Variants in CSMD1 observed in about 807,000 individuals in gnomAD.
The protein encoded by CSMD1 is CUB and sushi domain-containing protein 1.
A neutral mutation model predicts 417.5 loss-of-function variants in CSMD1; 213 were observed. That is an observed-to-expected ratio of 0.51 (90% CI 0.46 to 0.57). The LOEUF is 0.57. Ranked by LOEUF, CSMD1 falls within the 20% of genes least tolerant of loss-of-function variation. The pLI is 0.00. For missense variants in CSMD1, 6,923 were observed against 4,529.7 expected, an observed-to-expected ratio of 1.53 and a Z score of -15.17; for synonymous variants, 2,862 against 1,736.8, an observed-to-expected ratio of 1.65 and a Z score of -16.11.
chr8:3,197,748 G>A (rs533665114), intron 33 of CSMD1, among the ~76,000 whole-genome samples: 13 of 152,258 alleles, frequency 8.5e-5, no homozygotes, highest in African/African-American at 2.4e-4. Flanking sequence ...ACAGGCTTGA[G>A]CCACCGTGCC....
chr8:3,965,568 T>G (rs1193877898), intron 5 of CSMD1, among the ~76,000 whole-genome samples: 2 of 152,112 alleles, frequency 1.3e-5, no homozygotes, highest in East Asian at 3.8e-4. Context: ...GTCTTTCAAT[T>G]CCAGGCCTTA....
intron 5 of CSMD1, among the ~76,000 whole-genome samples, chr8:3,783,905 C>T (rs914823398): frequency 7.3e-5 from 3 of 41,346 alleles, no homozygotes; most frequent in African/African-American, 2.1e-4. Flanking sequence ...GTGGTGCAGG[C>T]TGGAGCTGGG....
At chr8:3,918,833 G>A (rs1460476629) in intron 5 of CSMD1, among the ~76,000 whole-genome samples, 1 of 152,074 alleles carries the variant, frequency 6.6e-6, no homozygotes, top group Non-Finnish European at 1.5e-5. Context: ...CTATGAGGAT[G>A]CAAAGATAAT....
intron 5 of CSMD1, among the ~76,000 whole-genome samples, chr8:3,885,050 T>C (rs1049628894): frequency 6.6e-6 from 1 of 151,968 alleles, no homozygotes; most frequent in Non-Finnish European, 1.5e-5. Flanking sequence ...GGACCTAGTG[T>C]CTATGATTCT....
chr8:3,651,168 C>T (rs1045599068), intron 7 of CSMD1, among the ~76,000 whole-genome samples: 1 of 152,188 alleles, frequency 6.6e-6, no homozygotes, highest in Non-Finnish European at 1.5e-5. Flanking sequence ...GTACTTTCCC[C>T]TGGTCTCTGT....
At chr8:4,776,293 TATA>T (rs1330133592) in intron 1 of CSMD1, among the ~76,000 whole-genome samples, 1 of 152,204 alleles carries the variant, frequency 6.6e-6, no homozygotes, top group Non-Finnish European at 1.5e-5. Flanking sequence ...GCAGCATGTA[TATA>T]ATATTACTTG....
chr8:3,700,987 G>C (rs1207048526), intron 7 of CSMD1, among the ~76,000 whole-genome samples: 1 of 151,298 alleles, frequency 6.6e-6, no homozygotes, highest in Non-Finnish European at 1.5e-5. Context: ...CAGGTGAGGG[G>C]CGACGGTGGT....
chr8:3,449,854 G>A (rs1043978521), intron 12 of CSMD1, among the ~76,000 whole-genome samples: 2 of 152,164 alleles, frequency 1.3e-5, no homozygotes, highest in Non-Finnish European at 2.9e-5. Context: ...TTCATGTAAA[G>A]TTTTAAGCCT....
At chr8:3,791,245 T>C (rs151239379) in intron 5 of CSMD1, among the ~76,000 whole-genome samples, 145 of 152,340 alleles carry the variant, frequency 9.5e-4, no homozygotes, top group East Asian at 8.5e-3. Flanking sequence ...TTAGAGATTC[T>C]ATAATTATAT....
chr8:3,840,139 C>G (rs547112421), intron 5 of CSMD1, among the ~76,000 whole-genome samples: 1 of 152,010 alleles, frequency 6.6e-6, no homozygotes, highest in Non-Finnish European at 1.5e-5. Flanking sequence ...AGCTTGCTTC[C>G]TTTATACTTA....
intron 5 of CSMD1, among the ~76,000 whole-genome samples, chr8:3,952,692 C>T (rs1281816981): frequency 6.6e-6 from 1 of 152,112 alleles, no homozygotes. Flanking sequence ...TGTTGCACAG[C>T]ATTGTGAATA....
chr8:3,679,104 G>A (rs76810012), intron 7 of CSMD1, among the ~76,000 whole-genome samples: 21,093 of 151,970 alleles, frequency 0.14, 1,746 homozygotes, highest in South Asian at 0.21. Flanking sequence ...GACCATCGAG[G>A]CTAGGAAGAA....
chr8:3,448,634 G>A (rs901808803), intron 12 of CSMD1, among the ~76,000 whole-genome samples: 1 of 152,030 alleles, frequency 6.6e-6, no homozygotes, highest in African/African-American at 2.4e-5. Context: ...AGAGTGTGGG[G>A]CAAGGAGCGG....
chr8:4,215,073 G>A (rs991522726), intron 3 of CSMD1, among the ~76,000 whole-genome samples: 8 of 152,112 alleles, frequency 5.3e-5, no homozygotes, highest in South Asian at 4.1e-4. Flanking sequence ...TGGAACCAAC[G>A]AAATACAAAC....
intron 3 of CSMD1, among the ~76,000 whole-genome samples, chr8:4,246,019 T>A (rs1802688361): frequency 6.6e-6 from 1 of 152,160 alleles, no homozygotes; most frequent in Admixed American, 6.5e-5. Flanking sequence ...AGTTATTTGT[T>A]GTTGTTGTTT....
chr8:4,177,446 C>T (rs946295484), intron 3 of CSMD1, among the ~76,000 whole-genome samples: 4 of 151,942 alleles, frequency 2.6e-5, no homozygotes, highest in Non-Finnish European at 5.9e-5. Flanking sequence ...TAGAGGGAAA[C>T]TTATAGCACT....
chr8:4,674,204 C>A lies in CSMD1; in HGVS notation c.86-36646G>T, dbSNP rs560273896. Among the ~76,000 whole-genome samples the A allele has an allele frequency of 2.6e-5, 4 of 151,946 alleles. No homozygotes were observed. The South Asian group carries it at 8.3e-4, about 32-fold the overall frequency. ...GTCAGACCTCAAAATTTTGGCCATA[C>A]AATTATTTGTTCACTGGAGGGGTTG... On this transcript the variant is annotated intron_variant, in intron 1 of 69. Coordinates refer to ENST00000635120, the MANE Select transcript of CSMD1 (RefSeq NM_033225.6).
chr8:4,478,778 A>G (rs1800936977), intron 2 of CSMD1, among the ~76,000 whole-genome samples: 1 of 152,234 alleles, frequency 6.6e-6, no homozygotes, highest in South Asian at 2.1e-4. Context: ...ACAAATTTTA[A>G]TGGCATTCAA....
chr8:4,284,609 A>G (rs906395128), intron 3 of CSMD1, among the ~76,000 whole-genome samples: 12 of 152,140 alleles, frequency 7.9e-5, no homozygotes, highest in African/African-American at 2.9e-4. Flanking sequence ...TCAGGCAAAG[A>G]TGGTAAAACT....
Sources: gnomAD v4.1 joint callset for allele counts (sites outside exome capture counted in the v4.1 genomes callset) on GRCh38, gnomAD v4.1.1 for gene constraint, MANE v1.5 for transcripts, NCBI Gene and HGNC (gene_info 2026-07-23, HGNC 2026-07-21) for gene names.